Variants in C4orf51 observed in about 807,000 individuals in gnomAD.
The protein encoded by C4orf51 is chromosome 4 open reading frame 51, also known as uncharacterized protein C4orf51.
Under a neutral mutation model 25.2 loss-of-function variants are expected in C4orf51, and 25 were observed. That is an observed-to-expected ratio of 0.99 (90% CI 0.72 to 1.39). The LOEUF is 1.39. C4orf51 is among the 40% of genes most tolerant of loss of function. The pLI, the probability that C4orf51 is intolerant of heterozygous loss-of-function variation, is 0.00. For synonymous variants in C4orf51, 100 were observed against 84.5 expected (o/e 1.18, Z -1.01); for missense variants, 252 against 239.6 (o/e 1.05, Z -0.34).
At chr4:145,767,433 G>T (rs910287385) in intron 1 of C4orf51, among the ~76,000 whole-genome samples, 1 of 152,150 alleles carries the variant, frequency 6.6e-6, no homozygotes, top group Non-Finnish European at 1.5e-5. Flanking sequence ...AATCCCTGGT[G>T]GGGTGGGGAG....
At chr4:145,715,395 C>T (rs1450659310) in intron 2 of C4orf51, among the ~76,000 whole-genome samples, 1 of 152,176 alleles carries the variant, frequency 6.6e-6, no homozygotes, top group East Asian at 1.9e-4. Flanking sequence ...CAGTGTCTCG[C>T]ACAGCTAGAG....
At chr4:145,685,251 T>G (rs1296343935) in intron 1 of C4orf51, among the ~76,000 whole-genome samples, 1 of 152,234 alleles carries the variant, frequency 6.6e-6, no homozygotes, top group East Asian at 1.9e-4. Flanking sequence ...ATCCTTGTAT[T>G]CGTCCATTTT....
chr4:145,699,854 T>C (rs893068272), intron 2 of C4orf51, among the ~76,000 whole-genome samples: 1 of 151,834 alleles, frequency 6.6e-6, no homozygotes, highest in Non-Finnish European at 1.5e-5. Flanking sequence ...CTACCCCTTC[T>C]CTGCTTTTCT....
chr4:145,784,055 G>A, the C4orf51 span, among the ~76,000 whole-genome samples: 1 of 152,056 alleles, frequency 6.6e-6, no homozygotes, highest in African/African-American at 2.4e-5. Flanking sequence ...TACTGCTCTG[G>A]CCATGTAACA....
chr4:145,696,601 G>A lies in C4orf51; in HGVS notation c.276G>A (p.Trp92Ter). The A allele has an allele frequency of 6.2e-7, 1 of 1,613,642 alleles. No homozygotes were observed. Among genetic ancestry groups the A allele is most frequent in the African/African-American group, 1.3e-5 (1 of 74,970 alleles). Residue 92 changes from tryptophan (W) to a stop codon, truncating the protein, a stop_gained, in exon 2 of 6, where the codon TGG becomes TGA. Transcript: ENST00000438731. LOFTEE classifies it high-confidence loss of function. ...GTTCTGCCTGTCATCTTCTCTGCTG[G>A]GCTGGTACCCAAGAGACTACAGATA... ...TNSSACHLLC[W>*]AGTQETTDIK...
At position 145,765,551 on chromosome 4, in the gene C4orf51, C is replaced by G. The variant is rs761834793; in HGVS notation, n.167-5437C>G. 6.2e-7 allele frequency: 1 copy of G among 1,611,348 alleles called. No individual in the cohort carries two copies. Among genetic ancestry groups the G allele is most frequent in the South Asian group, 1.1e-5 (1 of 90,566 alleles). On this transcript the variant is annotated intron_variant and non_coding_transcript_variant, in intron 1 of 1. Coordinates refer to the C4orf51 transcript ENST00000510096. The surrounding 1 kb of genome is among the most constrained non-coding windows in gnomAD (Gnocchi z 4.7). ...TCACACCCACCTCCTCCTTACCTTT[C>G]TCTGGCTTTTCCTCACTGTTCAGTG...
chr4:145,680,248 T>C lies in C4orf51; in HGVS notation c.45T>C (p.Phe15=), dbSNP rs1291727076. The change falls in exon 1 of 6, where the codon TTT becomes TTC. Residue 15 remains phenylalanine, a synonymous_variant. Coordinates refer to ENST00000438731, the MANE Select transcript of C4orf51 (RefSeq NM_001080531.3). ...FYLTPQILLP[F]SPLTSQEFDL... Reference sequence around the variant, plus strand: ...TGACTCCACAAATTCTTCTGCCCTTTAGCCCTCTTACTTCTCAAGAGTTTG... The same window carrying C: ...TGACTCCACAAATTCTTCTGCCCTTCAGCCCTCTTACTTCTCAAGAGTTTG... 1.9e-6 allele frequency: 3 copies of C among 1,614,006 alleles called. No homozygotes were observed. Among genetic ancestry groups the C allele is most frequent in the Non-Finnish European group, 2.5e-6 (3 of 1,179,860 alleles).
In C4orf51 at chr4:145,732,695, G is replaced by C. The variant is rs1463271781; in HGVS notation, c.*135G>C. 3.7e-6 allele frequency: 2 copies of C among 542,686 alleles called. No homozygotes were observed. Among genetic ancestry groups the C allele is most frequent in the African/African-American group, 2.0e-5 (1 of 50,244 alleles). The allele number at this position is 542,686 out of a possible 1,614,324, so 33.6% of individuals were successfully genotyped here. A position where few individuals can be genotyped will look rare whatever the true frequency, so the allele number is the denominator to read the frequency against. Reference sequence around the variant, plus strand: ...CTGGACCCTGGCAGGTTGGCTTTCTGGGACAATTCCATGGGCTTCATTTAT... The same window carrying C: ...CTGGACCCTGGCAGGTTGGCTTTCTCGGACAATTCCATGGGCTTCATTTAT... On this transcript the variant is annotated 3_prime_UTR_variant, in exon 6 of 6. Transcript: ENST00000438731.
At chr4:145,778,767 A>C in the C4orf51 span, among the ~76,000 whole-genome samples, 1 of 152,020 alleles carries the variant, frequency 6.6e-6, no homozygotes, top group Non-Finnish European at 1.5e-5. Context: ...TTATTTAAAA[A>C]CCTGATTTCA....
intron 1 of C4orf51, among the ~76,000 whole-genome samples, chr4:145,686,938 A>T (rs1443072582): frequency 4.6e-5 from 7 of 150,884 alleles, no homozygotes; most frequent in African/African-American, 1.5e-4. Context: ...GCAGCCTGAC[A>T]CCAAACTTGA....
chr4:145,685,889 A>T (rs954722170), intron 1 of C4orf51, among the ~76,000 whole-genome samples: 11 of 152,312 alleles, frequency 7.2e-5, no homozygotes, highest in African/African-American at 2.4e-4. Context: ...TTAACAGTAC[A>T]CTCATATAAC....
chr4:145,769,218 G>C (rs1735874370), intron 1 of C4orf51, among the ~76,000 whole-genome samples: 1 of 151,622 alleles, frequency 6.6e-6, no homozygotes, highest in Non-Finnish European at 1.5e-5. Context: ...TGACCATGAG[G>C]AGCAATGGTA....
At chr4:145,732,018 A>G (rs577753978) in intron 5 of C4orf51, among the ~76,000 whole-genome samples, 1 of 152,338 alleles carries the variant, frequency 6.6e-6, no homozygotes, top group South Asian at 2.1e-4. Context: ...CATTAACACT[A>G]TTCTTAGTTT....
the C4orf51 span, among the ~76,000 whole-genome samples, chr4:145,783,197 C>T: frequency 6.6e-6 from 1 of 152,162 alleles, no homozygotes; most frequent in African/African-American, 2.4e-5. Flanking sequence ...TTTGTGTATC[C>T]TCAGCATTAG....
At chr4:145,731,715 G>A (rs1184108630) in intron 5 of C4orf51, among the ~76,000 whole-genome samples, 2 of 151,460 alleles carry the variant, frequency 1.3e-5, no homozygotes, top group Non-Finnish European at 1.5e-5. Flanking sequence ...CCGAGTAACT[G>A]GGATTACAGG....
At chr4:145,702,520 C>A (rs898802684) in intron 2 of C4orf51, among the ~76,000 whole-genome samples, 1 of 152,204 alleles carries the variant, frequency 6.6e-6, no homozygotes, top group African/African-American at 2.4e-5. Context: ...GTTAGTCATA[C>A]TCCTATTCAC....
chr4:145,751,739 C>G (rs925140124), intron 1 of C4orf51, among the ~76,000 whole-genome samples: 1 of 152,218 alleles, frequency 6.6e-6, no homozygotes, highest in Non-Finnish European at 1.5e-5. Flanking sequence ...TGAGTTCCCC[C>G]AGGACCCAGG....
chr4:145,725,054 G>T (rs1731978527), intron 2 of C4orf51, among the ~76,000 whole-genome samples: 1 of 151,744 alleles, frequency 6.6e-6, no homozygotes, highest in African/African-American at 2.4e-5. Flanking sequence ...AGGGGGATGA[G>T]GAATAAAAGA....
chr4:145,706,417 A>G (rs1730814744), intron 2 of C4orf51, among the ~76,000 whole-genome samples: 1 of 152,174 alleles, frequency 6.6e-6, no homozygotes, highest in Admixed American at 6.5e-5. Context: ...TGGTCTCAAG[A>G]TAACTTGGGG....
Sources: allele counts gnomAD v4.1 joint callset (sites outside exome capture counted in the v4.1 genomes callset), GRCh38; gene constraint gnomAD v4.1.1; non-coding constraint Gnocchi (gnomAD v3.1); transcripts MANE v1.5; gene names NCBI Gene and HGNC (gene_info 2026-07-23, HGNC 2026-07-21).